The following SLC4A5 variants were observed in gnomAD, a reference collection of about 807,000 sequenced individuals.
SLC4A5 encodes the protein electrogenic sodium bicarbonate cotransporter 4.
In SLC4A5, 96 loss-of-function variants were observed where a neutral mutation model predicts 120.4. The ratio of observed to expected loss-of-function variants is 0.80; its 90% confidence interval spans 0.68 to 0.94. The LOEUF (loss-of-function observed/expected upper bound fraction) is 0.94. Among genes scored for constraint, SLC4A5 ranks in the 40% least tolerant of loss-of-function variants. The probability of loss-of-function intolerance (pLI) is 0.00; values close to 1 mark genes in which losing one functional copy is unlikely to be tolerated. For missense variants in SLC4A5, 1,259 were observed against 1,459.5 expected, an observed-to-expected ratio of 0.86 and a Z score of 2.24; for synonymous variants, 550 against 571.1, an observed-to-expected ratio of 0.96 and a Z score of 0.53.
At chr2:74,302,841 C>T (rs1019908051) in intron 7 of SLC4A5, among the ~76,000 whole-genome samples, 5 of 152,158 alleles carry the variant, frequency 3.3e-5, no homozygotes, top group African/African-American at 1.2e-4. Context: ...CAGCAGACTC[C>T]ACCTTCCAAG....
intron 8 of SLC4A5, among the ~76,000 whole-genome samples, chr2:74,278,688 T>G (rs912122201): frequency 6.6e-6 from 1 of 152,166 alleles, no homozygotes; most frequent in Admixed American, 6.5e-5. Context: ...AGTGTTGGAC[T>G]AGCATAGAGA....
intron 17 of SLC4A5, 40 bp downstream of exon 17, chr2:74,250,303 A>C: frequency 6.3e-7 from 1 of 1,590,030 alleles, no homozygotes; most frequent in Non-Finnish European, 8.6e-7. Context: ...AGGTGGCGGC[A>C]GATCTTACTT....
exon 11 of SLC4A5, chr2:74,262,230 G>A (rs778029081): frequency 3.1e-6 from 5 of 1,613,574 alleles, no homozygotes; most frequent in South Asian, 2.2e-5. Context: ...GCAGGACTGC[G>A]ATCTGGGAGG....
chr2:74,224,047 G>A (rs1694755546), intron 28 of SLC4A5, among the ~76,000 whole-genome samples: 1 of 152,166 alleles, frequency 6.6e-6, no homozygotes, highest in Admixed American at 6.6e-5. Flanking sequence ...AGCAAAGTCA[G>A]GAATTATTTT....
chr2:74,316,364 A>C lies in SLC4A5; in HGVS notation c.-2-1339T>G, dbSNP rs926134914. ...AAAAAAAAAAGAGTTGTAAACTAAA[A>C]ATAAAATCCTAAGCCTCCCCACCAA... On this transcript the variant is annotated intron_variant, in intron 5 of 30. Coordinates refer to ENST00000394019, the Ensembl canonical transcript of SLC4A5. Among the ~76,000 whole-genome samples, 11 of 151,836 alleles carry C rather than the reference A, an allele frequency of 7.2e-5. No individual in the cohort carries two copies. In the South Asian group the frequency reaches 2.3e-3, roughly 32 times the overall value.
At chr2:74,275,454 T>C (rs1303057747) in intron 8 of SLC4A5, among the ~76,000 whole-genome samples, 1 of 152,248 alleles carries the variant, frequency 6.6e-6, no homozygotes, top group Admixed American at 6.5e-5. Context: ...CCCATGGGAC[T>C]GTCATCTACG....
exon 31 of SLC4A5, chr2:74,218,554 A>T (rs569470546): frequency 1.8e-4 from 28 of 152,668 alleles, no homozygotes; most frequent in African/African-American, 6.5e-4. Flanking sequence ...AAACAGGCAC[A>T]GAGAAGTTAA....
At chr2:74,258,213 A>T (rs1442863475) in intron 12 of SLC4A5, among the ~76,000 whole-genome samples, 4 of 152,236 alleles carry the variant, frequency 2.6e-5, no homozygotes, top group African/African-American at 9.6e-5. Flanking sequence ...TGCACAAATC[A>T]ATGATGAAGA....
chr2:74,228,555 G>A (rs767645152), intron 25 of SLC4A5, among the ~76,000 whole-genome samples: 4 of 152,134 alleles, frequency 2.6e-5, no homozygotes, highest in African/African-American at 9.7e-5. Context: ...GCTTGAATCC[G>A]GGAGATGGAG....
intron 21 of SLC4A5, 24 bp downstream of exon 21, chr2:74,239,311 C>T (rs1265603790): frequency 1.9e-6 from 3 of 1,611,728 alleles, no homozygotes; most frequent in Admixed American, 3.3e-5. Flanking sequence ...TGCAGGTCCC[C>T]TCCTAACTGC....
intron 3 of SLC4A5, among the ~76,000 whole-genome samples, chr2:74,336,659 A>G (rs928436202): frequency 6.6e-6 from 1 of 152,224 alleles, no homozygotes; most frequent in African/African-American, 2.4e-5. Context: ...AAGTTCACAC[A>G]GCTGATAACT....
chr2:74,248,162 C>A (rs1204491444), intron 18 of SLC4A5, among the ~76,000 whole-genome samples, 191 bp downstream of exon 18: 1 of 152,180 alleles, frequency 6.6e-6, no homozygotes, highest in African/African-American at 2.4e-5. Context: ...TGCCAATATG[C>A]ACTAAGATGT....
chr2:74,317,900 A>C (rs1573098797), intron 5 of SLC4A5, among the ~76,000 whole-genome samples: 1 of 152,238 alleles, frequency 6.6e-6, no homozygotes, highest in Non-Finnish European at 1.5e-5. Flanking sequence ...TGGCAGCTCC[A>C]CTTCAAAACA....
At chr2:74,217,115 T>C (rs2103851283) in exon 31 of SLC4A5, 1 of 152,346 alleles carries the variant, frequency 6.6e-6, no homozygotes, top group Non-Finnish European at 1.5e-5. Flanking sequence ...TTACCTGTCC[T>C]ATACTCAAGG....
chr2:74,259,638 C>T (rs993996506), exon 12 of SLC4A5: 1 of 1,614,174 alleles, frequency 6.2e-7, no homozygotes, highest in Non-Finnish European at 8.5e-7. Context: ...CTGCTCTGGG[C>T]ATGACCTAGG....
chr2:74,239,259 G>C (rs1417981095), intron 21 of SLC4A5, 76 bp downstream of exon 21: 1 of 1,408,822 alleles, frequency 7.1e-7, no homozygotes, highest in Non-Finnish European at 1.0e-6. Context: ...CATCCTGTCG[G>C]TGGACCAGAA....
chr2:74,274,697 T>G lies in SLC4A5; in HGVS notation c.402-9433A>C, dbSNP rs139995918. Among the ~76,000 whole-genome samples the G allele has an allele frequency of 2.5e-3, 387 of 152,330 alleles. 5 individuals carry two copies. Among genetic ancestry groups the G allele is most frequent in the African/African-American group, 8.9e-3 (370 of 41,592 alleles). ...TAGGTCCAGTGACACTGTCTAATGC[T>G]AACCAAGATCACAAAGGCTGATGCA... On this transcript the variant is annotated intron_variant, in intron 8 of 30. Transcript: ENST00000394019.
chr2:74,337,134 C>T (rs1673507237), intron 3 of SLC4A5, among the ~76,000 whole-genome samples: 1 of 152,120 alleles, frequency 6.6e-6, no homozygotes, highest in Non-Finnish European at 1.5e-5. Flanking sequence ...GGTCCCAATC[C>T]CCGCTCCCTG....
chr2:74,229,217 T>C (rs1694971330), intron 25 of SLC4A5, among the ~76,000 whole-genome samples: 1 of 148,804 alleles, frequency 6.7e-6, no homozygotes, highest in African/African-American at 2.5e-5. Flanking sequence ...ATTACAGACA[T>C]GGGCCACCAT....
Sources: gnomAD v4.1 joint callset for allele counts (sites outside exome capture counted in the v4.1 genomes callset) on GRCh38, gnomAD v4.1.1 for gene constraint, MANE v1.5 for transcripts, NCBI Gene and HGNC (gene_info 2026-07-23, HGNC 2026-07-21) for gene names.